KATNIP: variants seen among roughly 807,000 people sequenced by gnomAD.
KATNIP encodes katanin interacting protein, also known as katanin-interacting protein.
KATNIP carries 126 observed loss-of-function variants against 174.0 expected under a neutral mutation model. The observed-to-expected ratio is 0.72, with a 90% CI of 0.63 to 0.84. The LOEUF is 0.84. KATNIP is among the 40% of genes least tolerant of loss of function. The pLI is 0.00. For missense variants in KATNIP, 1,958 were observed against 2,109.7 expected, an observed-to-expected ratio of 0.93 and a Z score of 1.41; for synonymous variants, 810 against 835.7, an observed-to-expected ratio of 0.97 and a Z score of 0.53.
At chr16:27,755,000 C>A (rs2081661952) in intron 18 of KATNIP, 1 of 152,484 alleles carries the variant, frequency 6.6e-6, no homozygotes, top group Admixed American at 6.5e-5. Context: ...CACATCAGCC[C>A]CTCCCCGTCC....
In KATNIP at chr16:27,610,042, G is replaced by A. The variant is rs184095022; in HGVS notation, c.64-8383G>A. On this transcript the variant is annotated intron_variant, in intron 2 of 27. Transcript: ENST00000261588. Reference sequence around the variant, plus strand: ...GTGAGGAGGAGGAGTGGGGTAGTGGGAGGTGGCTCAGAGATGGGGGTCAAG... The same window carrying A: ...GTGAGGAGGAGGAGTGGGGTAGTGGAAGGTGGCTCAGAGATGGGGGTCAAG... 5.4e-3 allele frequency among the ~76,000 whole-genome samples: 820 copies of A among 152,254 alleles called. 4 individuals are homozygous for A. The highest frequency in any genetic ancestry group is 0.019 in the African/African-American group (788 of 41,560).
intron 18 of KATNIP, among the ~76,000 whole-genome samples, chr16:27,760,004 G>C (rs2081891996): frequency 6.6e-6 from 1 of 152,186 alleles, no homozygotes; most frequent in African/African-American, 2.4e-5. Context: ...AAGGATCTGA[G>C]GGCTAAGTTA....
chr16:27,552,410 T>C (rs1050330749), intron 1 of KATNIP, among the ~76,000 whole-genome samples: 1 of 150,970 alleles, frequency 6.6e-6, no homozygotes, highest in African/African-American at 2.4e-5. Flanking sequence ...AAAGTCTCAC[T>C]GTCGCCCAGG....
chr16:27,648,575 T>C, intron 5 of KATNIP, 29 bp from the exon 6 acceptor site: 2 of 1,613,500 alleles, frequency 1.2e-6, no homozygotes, highest in East Asian at 2.2e-5. Context: ...CATTCCACCT[T>C]ATCTGAAATG....
chr16:27,702,213 T>C (rs762002200), intron 11 of KATNIP, among the ~76,000 whole-genome samples: 5 of 152,186 alleles, frequency 3.3e-5, no homozygotes, highest in Non-Finnish European at 5.9e-5. Flanking sequence ...TGTGTAGAAC[T>C]TGAACCTTCT....
intron 6 of KATNIP, among the ~76,000 whole-genome samples, chr16:27,661,437 G>T (rs947032866): frequency 1.3e-5 from 2 of 152,022 alleles, no homozygotes; most frequent in Non-Finnish European, 2.9e-5. Flanking sequence ...TGTCGCCCAG[G>T]CTGGAGTGCA....
In KATNIP at chr16:27,620,747, G is replaced by A. The variant is rs985733630; in HGVS notation, c.140+2246G>A. 5.9e-5 allele frequency among the ~76,000 whole-genome samples: 9 copies of A among 152,122 alleles called. No homozygotes were observed. The East Asian group carries it at 1.7e-3, about 29-fold the overall frequency. On this transcript the variant is annotated intron_variant, in intron 3 of 27. Transcript: ENST00000261588. ...TGTCTGTAACCCGAGAAGGGGGGATGTAATCGTTGGAGTGAGTTCTGAGCA... is the reference window on the plus strand; with the variant it reads ...TGTCTGTAACCCGAGAAGGGGGGATATAATCGTTGGAGTGAGTTCTGAGCA...
chr16:27,637,043 GCT>G lies in KATNIP; in HGVS notation c.408+5885_408+5886del, dbSNP rs2076657888. ...AGACGCTTAACCCCTTGGTGCCTGC[GCT>G]CTCATTTGTCATGTGAGGTTGGTAA... On this transcript the variant is annotated intron_variant, in intron 5 of 27. Coordinates refer to ENST00000261588, the MANE Select transcript of KATNIP (RefSeq NM_015202.5). This position sits in a 1 kb window ranked among gnomAD's most constrained non-coding sequence, Gnocchi z 4.7. Among the ~76,000 whole-genome samples, 2 of 152,340 alleles carry G rather than the reference GCT, an allele frequency of 1.3e-5. No individual in the cohort carries two copies. Among genetic ancestry groups the G allele is most frequent in the South Asian group, 4.1e-4 (2 of 4,830 alleles).
intron 14 of KATNIP, among the ~76,000 whole-genome samples, chr16:27,735,908 G>C (rs777767337): frequency 1.3e-5 from 2 of 152,192 alleles, no homozygotes; most frequent in African/African-American, 4.8e-5. Context: ...ACAGGCCGCC[G>C]CTTTTCTGAT....
At position 27,704,889 on chromosome 16, in the gene KATNIP, G is replaced by C. The variant is rs183956702; in HGVS notation, c.1389+891G>C. Among the ~76,000 whole-genome samples the C allele has an allele frequency of 7.5e-5, 11 of 147,418 alleles. 1 individual carries two copies. In the Admixed American group the frequency reaches 7.5e-4, roughly 10 times the overall value. ...TAGGATTAACGGTGATTCGATTTTC[G>C]TTCTTTTCTTTTTTTTCTTTTTTTT... On this transcript the variant is annotated intron_variant, in intron 12 of 27. Transcript: ENST00000261588.
chr16:27,694,942 C>G (rs1443854452), intron 8 of KATNIP, among the ~76,000 whole-genome samples: 1 of 152,208 alleles, frequency 6.6e-6, no homozygotes, highest in East Asian at 1.9e-4. Context: ...ATTGAGCCCT[C>G]TGCTCCTCCC....
intron 5 of KATNIP, among the ~76,000 whole-genome samples, chr16:27,646,571 C>T (rs2076963585): frequency 6.6e-6 from 1 of 152,204 alleles, no homozygotes. Flanking sequence ...GGATGCTGGA[C>T]TGATGAAGCT....
rs750587218 is a variant in KATNIP, at chr16:27,637,086, G to A, written c.408+5924G>A. Among the ~76,000 whole-genome samples the A allele has an allele frequency of 1.3e-5, 2 of 152,222 alleles. No homozygotes were observed. Among genetic ancestry groups the A allele is most frequent in the Non-Finnish European group, 2.9e-5 (2 of 68,050 alleles). ...AGGTTGGTAATGGTAATTAATGAGGGCAATTAATGAGGATCAGTGGGGTCT... is the reference window on the plus strand; with the variant it reads ...AGGTTGGTAATGGTAATTAATGAGGACAATTAATGAGGATCAGTGGGGTCT... On this transcript the variant is annotated intron_variant, in intron 5 of 27. Coordinates refer to ENST00000261588, the MANE Select transcript of KATNIP (RefSeq NM_015202.5). The surrounding 1 kb of genome is among the most constrained non-coding windows in gnomAD (Gnocchi z 4.7).
intron 6 of KATNIP, among the ~76,000 whole-genome samples, chr16:27,649,006 T>A (rs2077045673): frequency 6.6e-6 from 1 of 152,108 alleles, no homozygotes; most frequent in African/African-American, 2.4e-5. Context: ...AGGGAGAGAA[T>A]GCAGAGAGGT....
chr16:27,762,521 C>T (rs958339569), intron 19 of KATNIP, among the ~76,000 whole-genome samples: 2 of 152,126 alleles, frequency 1.3e-5, no homozygotes, highest in African/African-American at 2.4e-5. Flanking sequence ...ATGATTGGAA[C>T]GCAGGCCTGT....
intron 6 of KATNIP, among the ~76,000 whole-genome samples, chr16:27,656,168 A>G (rs1277905225): frequency 6.6e-6 from 1 of 152,114 alleles, no homozygotes; most frequent in Non-Finnish European, 1.5e-5. Flanking sequence ...GCTGATACCT[A>G]TCATCCCAGC....
At chr16:27,764,689 G>A (rs908084116) in intron 19 of KATNIP, among the ~76,000 whole-genome samples, 1 of 152,180 alleles carries the variant, frequency 6.6e-6, no homozygotes, top group Non-Finnish European at 1.5e-5. Flanking sequence ...TCCTTTCACT[G>A]TCGGCTACAA....
intron 6 of KATNIP, among the ~76,000 whole-genome samples, chr16:27,663,919 T>C (rs1405930355): frequency 6.6e-6 from 1 of 151,678 alleles, no homozygotes; most frequent in Admixed American, 6.6e-5. Context: ...CAAGTGATGC[T>C]CCTGCCTCAA....
chr16:27,763,591 G>A (rs2082024748), intron 19 of KATNIP, among the ~76,000 whole-genome samples: 1 of 148,140 alleles, frequency 6.8e-6, no homozygotes, highest in Non-Finnish European at 1.5e-5. Context: ...TTCCAGCCTG[G>A]GCAACAGAGC....
Sources: gnomAD v4.1 joint callset for allele counts (sites outside exome capture counted in the v4.1 genomes callset) on GRCh38, gnomAD v4.1.1 for gene constraint, Gnocchi (gnomAD v3.1) non-coding constraint, MANE v1.5 for transcripts, NCBI Gene and HGNC (gene_info 2026-07-23, HGNC 2026-07-21) for gene names.